RTN1: variants seen among roughly 807,000 people sequenced by gnomAD.
RTN1 encodes the protein reticulon 1, also known as reticulon-1.
RTN1 carries 25 observed loss-of-function variants against 65.5 expected under a neutral mutation model. That is an observed-to-expected ratio of 0.38 (90% CI 0.28 to 0.53). The LOEUF is 0.53. Among genes scored for constraint, RTN1 ranks in the 20% least tolerant of loss-of-function variants. The pLI is 0.79. For missense variants in RTN1, 983 were observed against 1,025.4 expected, an observed-to-expected ratio of 0.96 and a Z score of 0.57; for synonymous variants, 471 against 447.6, an observed-to-expected ratio of 1.05 and a Z score of -0.66.
In RTN1 at chr14:59,794,153, G is replaced by GT. The variant is rs781354922; in HGVS notation, c.242-47673dup. 6.6e-5 allele frequency among the ~76,000 whole-genome samples: 10 copies of GT among 152,150 alleles called. No individual in the cohort carries two copies. The highest frequency in any genetic ancestry group is 1.2e-4 in the Non-Finnish European group (8 of 68,018). On this transcript the variant is annotated intron_variant, in intron 1 of 8. Coordinates refer to ENST00000267484, the MANE Select transcript of RTN1 (RefSeq NM_021136.3). This position sits in a 1 kb window ranked among gnomAD's most constrained non-coding sequence, Gnocchi z 5.1. ...TTACTAATACCCCAAAGATAAGTCA[G>GT]TAAGTGTATGGTATTATCTTGGCCG...
chr14:59,811,091 C>T (rs1272944545), intron 1 of RTN1, among the ~76,000 whole-genome samples: 2 of 152,156 alleles, frequency 1.3e-5, no homozygotes, highest in Admixed American at 6.5e-5. Context: ...CTCACTTGAT[C>T]TATATTTTTG....
At chr14:59,710,813 T>C (rs1340412231) in intron 3 of RTN1, among the ~76,000 whole-genome samples, 1 of 152,242 alleles carries the variant, frequency 6.6e-6, no homozygotes, top group East Asian at 1.9e-4. Flanking sequence ...AACCTGGGTA[T>C]ACTGCCATAT....
intron 1 of RTN1, among the ~76,000 whole-genome samples, chr14:59,769,051 C>T (rs1367017313): frequency 6.6e-6 from 1 of 152,064 alleles, no homozygotes; most frequent in Non-Finnish European, 1.5e-5. Flanking sequence ...GTTAGTCATC[C>T]TATAAGTAGC....
chr14:59,642,311 C>A (rs1882797784), intron 3 of RTN1, among the ~76,000 whole-genome samples: 1 of 151,948 alleles, frequency 6.6e-6, no homozygotes, highest in South Asian at 2.1e-4. Context: ...TTTTATTATT[C>A]CTTTTGGGTT....
rs1381564624 is a variant in RTN1 at position 59,727,078 on chromosome 14, G to A, written c.1606C>T (p.Leu536=). 1 of 1,612,406 alleles carries A rather than the reference G, an allele frequency of 6.2e-7. No individual in the cohort carries two copies. Among genetic ancestry groups the A allele is most frequent in the Non-Finnish European group, 8.5e-7 (1 of 1,179,270 alleles). The change falls in exon 3 of 9, where the codon CTG becomes TTG. Residue 536 remains leucine, a synonymous_variant. Transcript: ENST00000267484. This position sits in a 1 kb window ranked among gnomAD's most constrained non-coding sequence, Gnocchi z 4.2. ...PSTEPQPGPE[L]PPGDGALEPE... Reference sequence around the variant, plus strand: ...TCCAGGGCTCCGTCTCCAGGGGGCAGCTCGGGGCCAGGCTGGGGCTCAGTT... The same window carrying A: ...TCCAGGGCTCCGTCTCCAGGGGGCAACTCGGGGCCAGGCTGGGGCTCAGTT...
At chr14:59,687,510 C>A (rs567712431) in intron 3 of RTN1, among the ~76,000 whole-genome samples, 10 of 152,064 alleles carry the variant, frequency 6.6e-5, no homozygotes, top group Admixed American at 4.6e-4. Flanking sequence ...GTCAGCCCAT[C>A]CTTCCTGTGC....
rs770982655 is a variant in RTN1 at position 59,613,697 on chromosome 14, AT to A, written c.1766-6206del. Among the ~76,000 whole-genome samples, 63 of 151,628 alleles carry A rather than the reference AT, an allele frequency of 4.2e-4. 2 individuals are homozygous for A. In the East Asian group the frequency reaches 5.0e-3, roughly 12 times the overall value. On this transcript the variant is annotated intron_variant, in intron 3 of 8. Coordinates refer to ENST00000267484, the MANE Select transcript of RTN1 (RefSeq NM_021136.3). ...TCAGTCGACTGTATTATTTTTCTCC[AT>A]TTTTTTGCCTTGTCCTTCTTAAAGC...
intron 3 of RTN1, among the ~76,000 whole-genome samples, chr14:59,669,759 TTAAG>T (rs1399445158): frequency 2.0e-5 from 3 of 152,266 alleles, no homozygotes; most frequent in African/African-American, 4.8e-5. Context: ...AAAGTTCTTA[TTAAG>T]TGAGTAGTGA....
chr14:59,728,249 C>CTTTTTTTTTTTTTTTTTTTTTTTTTT (rs200434592), intron 2 of RTN1, among the ~76,000 whole-genome samples: 1 of 124,196 alleles, frequency 8.1e-6, no homozygotes, highest in African/African-American at 3.0e-5. Context: ...GAATCAGTAT[C>CTTTTTTTTTTTTTTTTTTTTTTTTTT]TTTTTTTTTT....
chr14:59,737,871 A>G (rs905058006), intron 2 of RTN1, among the ~76,000 whole-genome samples: 38 of 152,184 alleles, frequency 2.5e-4, no homozygotes, highest in Admixed American at 1.3e-4. Flanking sequence ...ACCTACAACC[A>G]TCTGATCTTT....
intron 3 of RTN1, among the ~76,000 whole-genome samples, chr14:59,712,140 C>T (rs1322095503): frequency 6.6e-6 from 1 of 152,172 alleles, no homozygotes; most frequent in Non-Finnish European, 1.5e-5. Flanking sequence ...AGGTTTGTTA[C>T]TGTAGTATGG....
In RTN1 at chr14:59,746,112, T is replaced by A. The variant is rs1273757122; in HGVS notation, c.611A>T (p.Glu204Val). 1.9e-6 allele frequency: 3 copies of A among 1,613,058 alleles called. No individual in the cohort carries two copies. Among genetic ancestry groups the A allele is most frequent in the Admixed American group, 1.7e-5 (1 of 59,804 alleles). The stretch of plus-strand genomic sequence containing the variant: ...GTGATGTTGTTCTTGGTGCTTCACC[T>A]CCTCGGGTCTGGTTATGTCAATGTA... ...YKYIDITRPEEVKHQEQHHPE... is the reference protein window; with the variant it reads ...YKYIDITRPEVVKHQEQHHPE... The change falls in exon 2 of 9, where the codon GAG (glutamate) becomes GTG (valine). Residue 204 changes from glutamate (E) to valine (V), a missense_variant. Coordinates refer to ENST00000267484, the MANE Select transcript of RTN1 (RefSeq NM_021136.3).
chr14:59,731,093 T>C (rs1036761760), intron 2 of RTN1, among the ~76,000 whole-genome samples: 1 of 152,126 alleles, frequency 6.6e-6, no homozygotes, highest in Non-Finnish European at 1.5e-5. Context: ...CCAGAAAAGG[T>C]AGAAACAATC....
chr14:59,732,062 A>G (rs994353569), intron 2 of RTN1, among the ~76,000 whole-genome samples: 5 of 152,246 alleles, frequency 3.3e-5, no homozygotes, highest in African/African-American at 1.2e-4. Flanking sequence ...AGGAAGCTGC[A>G]CTTGAATTGA....
chr14:59,870,406 C>T lies in RTN1; in HGVS notation c.225G>A (p.Met75Ile), dbSNP rs1887876755. ...SGPARQSPVA[M>I]ETASTGVAGV... ...CCGCCTTACCTGTGGATGCAGTTTC[C>T]ATGGCAACGGGCGACTGCCGGGCGG... is the stretch of plus-strand genomic sequence containing the variant. Residue 75 changes from methionine (M) to isoleucine (I), a missense_variant, in exon 1 of 9, where the codon ATG (methionine) becomes ATA (isoleucine). Physicochemically the swap from Met to Ile is conservative, Grantham distance 10. Coordinates refer to ENST00000267484, the MANE Select transcript of RTN1 (RefSeq NM_021136.3). The surrounding 1 kb of genome is among the most constrained non-coding windows in gnomAD (Gnocchi z 5.1). The T allele has an allele frequency of 1.3e-6, 2 of 1,525,918 alleles. No individual in the cohort carries two copies. The highest frequency in any genetic ancestry group is 1.4e-5 in the African/African-American group (1 of 69,812). The allele number at this position is 1,525,918 out of a possible 1,614,324, so 94.5% of individuals were successfully genotyped here. A position where few individuals can be genotyped will look rare whatever the true frequency, so the allele number is the denominator to read the frequency against.
intron 3 of RTN1, chr14:59,630,320 C>T: frequency 8.4e-7 from 1 of 1,195,464 alleles, no homozygotes; most frequent in Non-Finnish European, 1.2e-6. Flanking sequence ...TTACTACCCC[C>T]CAACACAAAG....
chr14:59,819,412 CCACCCCCCCCCCACCCCCCA>C (rs1566737465), intron 1 of RTN1, among the ~76,000 whole-genome samples: 2,137 of 13,222 alleles, frequency 0.16, 292 homozygotes, highest in South Asian at 0.28. Context: ...CACACCACCA[CCACCCCCCCCCCACCCCCCA>C]CCCCCCCCCC....
intron 3 of RTN1, among the ~76,000 whole-genome samples, chr14:59,667,235 G>T (rs1281177744): frequency 6.6e-6 from 1 of 152,098 alleles, no homozygotes; most frequent in African/African-American, 2.4e-5. Flanking sequence ...ACCAAATCCA[G>T]CAGCATATCA....
chr14:59,684,146 C>T (rs1008671044), intron 3 of RTN1, among the ~76,000 whole-genome samples: 1 of 151,986 alleles, frequency 6.6e-6, no homozygotes, highest in African/African-American at 2.4e-5. Flanking sequence ...CTCCCTTCAC[C>T]TCACTCTTCT....
Sources: allele counts gnomAD v4.1 joint callset (sites outside exome capture counted in the v4.1 genomes callset), GRCh38; gene constraint gnomAD v4.1.1; non-coding constraint Gnocchi (gnomAD v3.1); transcripts MANE v1.5; gene names NCBI Gene and HGNC (gene_info 2026-07-23, HGNC 2026-07-21).